Variants in TOX observed in about 807,000 individuals in gnomAD.
The protein encoded by TOX is thymocyte selection associated high mobility group box.
Under a neutral mutation model 53.7 loss-of-function variants are expected in TOX, and 11 were observed. The observed-to-expected ratio is 0.20, with a 90% confidence interval of 0.13 to 0.34. The LOEUF is 0.34. Ranked by LOEUF, TOX falls within the 10% of genes least tolerant of loss-of-function variation. The pLI, the probability that TOX is intolerant of heterozygous loss-of-function variation, is 1.00. For synonymous variants in TOX, 225 were observed against 245.3 expected (o/e 0.92, Z 0.77); for missense variants, 570 against 664.6 (o/e 0.86, Z 1.56).
chr8:59,056,176 A>T (rs1803885500), intron 1 of TOX, among the ~76,000 whole-genome samples: 1 of 152,098 alleles, frequency 6.6e-6, no homozygotes, highest in Admixed American at 6.5e-5. Flanking sequence ...CTATAATCCC[A>T]GCACTTTGGG....
At chr8:58,982,097 T>G (rs571032688) in intron 1 of TOX, among the ~76,000 whole-genome samples, 1 of 152,182 alleles carries the variant, frequency 6.6e-6, no homozygotes, top group African/African-American at 2.4e-5. Context: ...TGCCTCTGCA[T>G]GCACTTCTAA....
At chr8:58,878,728 A>C (rs1028518610) in intron 3 of TOX, among the ~76,000 whole-genome samples, 1 of 152,112 alleles carries the variant, frequency 6.6e-6, no homozygotes, top group South Asian at 2.1e-4. Flanking sequence ...TTTTTTGAGA[A>C]TATATTATTT....
chr8:58,852,048 C>T (rs774075675), intron 3 of TOX, among the ~76,000 whole-genome samples: 8 of 151,934 alleles, frequency 5.3e-5, no homozygotes, highest in Admixed American at 2.6e-4. Flanking sequence ...TACTTCATTA[C>T]TCAAGATGTG....
intron 3 of TOX, among the ~76,000 whole-genome samples, chr8:58,886,753 TGTAA>T (rs1381998213): frequency 5.3e-5 from 8 of 152,178 alleles, no homozygotes; most frequent in African/African-American, 1.9e-4. Flanking sequence ...TAAAATCATC[TGTAA>T]GTAAGGACAG....
chr8:59,027,702 TCTA>T (rs529508335), intron 1 of TOX, among the ~76,000 whole-genome samples: 214 of 152,250 alleles, frequency 1.4e-3, no homozygotes, highest in African/African-American at 4.7e-3. Flanking sequence ...TCACTCACAA[TCTA>T]CTCATGAGAT....
chr8:58,816,014 G>A (rs946871370), intron 6 of TOX, among the ~76,000 whole-genome samples: 1 of 152,176 alleles, frequency 6.6e-6, no homozygotes, highest in African/African-American at 2.4e-5. Context: ...TGACAAGATG[G>A]GTTTGTGGAG....
intron 1 of TOX, among the ~76,000 whole-genome samples, chr8:58,965,953 T>C (rs1241998836): frequency 8.2e-6 from 1 of 122,376 alleles, no homozygotes; most frequent in Non-Finnish European, 1.6e-5. Context: ...GGTTGGGCAA[T>C]GAAGACTTTG....
chr8:58,859,655 AGT>A (rs1810974529), intron 3 of TOX, among the ~76,000 whole-genome samples: 1 of 152,196 alleles, frequency 6.6e-6, no homozygotes. Context: ...CTCAGAAACC[AGT>A]GCTCACACTG....
intron 3 of TOX, among the ~76,000 whole-genome samples, chr8:58,864,383 T>TTCAG (rs904504594): frequency 1.2e-4 from 18 of 152,160 alleles, no homozygotes; most frequent in African/African-American, 4.3e-4. Context: ...ATAAAGTTGT[T>TTCAG]TTAACTGAAA....
chr8:58,867,832 C>T (rs1272288535), intron 3 of TOX, among the ~76,000 whole-genome samples: 2 of 152,174 alleles, frequency 1.3e-5, no homozygotes, highest in African/African-American at 4.8e-5. Flanking sequence ...GTTTACTGCT[C>T]TGTTGTCAGT....
chr8:59,073,688 T>C (rs773896736), intron 1 of TOX, among the ~76,000 whole-genome samples: 6 of 152,182 alleles, frequency 3.9e-5, no homozygotes, highest in Admixed American at 2.0e-4. Context: ...ATGGTCTTCA[T>C]AAATCTATTT....
rs1010491905 is a variant in TOX at position 59,117,720 on chromosome 8, T to G, written c.102+1166A>C. On this transcript the variant is annotated intron_variant, in intron 1 of 8. Coordinates refer to ENST00000361421, the MANE Select transcript of TOX (RefSeq NM_014729.3). This position sits in a 1 kb window ranked among gnomAD's most constrained non-coding sequence, Gnocchi z 4.6. ...AGTCCCAACGATTTTTCCCGTGGAA[T>G]GCACCGAGGGTCGCCATGGATGTGC... Among the ~76,000 whole-genome samples the G allele has an allele frequency of 7.2e-5, 11 of 152,208 alleles. No individual in the cohort carries two copies. The highest frequency in any genetic ancestry group is 3.9e-4 in the Admixed American group (6 of 15,286).
At chr8:58,860,412 A>T (rs1200728278) in intron 3 of TOX, among the ~76,000 whole-genome samples, 1 of 152,232 alleles carries the variant, frequency 6.6e-6, no homozygotes, top group Non-Finnish European at 1.5e-5. Context: ...ATTTTAGGAC[A>T]GTGAGATGTT....
intron 1 of TOX, among the ~76,000 whole-genome samples, chr8:59,097,397 A>G (rs1007330652): frequency 6.6e-6 from 1 of 152,178 alleles, no homozygotes; most frequent in African/African-American, 2.4e-5. Flanking sequence ...GTTTCTGAAC[A>G]CTTCTCATCC....
At chr8:58,921,980 G>T (rs1205880841) in intron 3 of TOX, among the ~76,000 whole-genome samples, 1 of 152,136 alleles carries the variant, frequency 6.6e-6, no homozygotes. Context: ...GGTACCCAGG[G>T]GTGGGAAGAA....
At chr8:59,027,965 C>T (rs1814276591) in intron 1 of TOX, among the ~76,000 whole-genome samples, 1 of 152,040 alleles carries the variant, frequency 6.6e-6, no homozygotes, top group African/African-American at 2.4e-5. Flanking sequence ...GAATCAACTC[C>T]CTAACATCAA....
intron 3 of TOX, among the ~76,000 whole-genome samples, chr8:58,893,736 G>T (rs1440735507): frequency 6.6e-6 from 1 of 152,168 alleles, no homozygotes; most frequent in Non-Finnish European, 1.5e-5. Flanking sequence ...TTACATAGAA[G>T]AAAGTTACAA....
At chr8:58,915,256 G>T (rs1188303852) in intron 3 of TOX, among the ~76,000 whole-genome samples, 1 of 144,320 alleles carries the variant, frequency 6.9e-6, no homozygotes, top group Non-Finnish European at 1.5e-5. Flanking sequence ...GCAGGGCACA[G>T]ACAAACAAAA....
chr8:58,934,052 A>G (rs1812304388), intron 3 of TOX, among the ~76,000 whole-genome samples: 1 of 152,196 alleles, frequency 6.6e-6, no homozygotes. Flanking sequence ...AATAACTCAG[A>G]GGAATGTTGA....
Sources: allele counts gnomAD v4.1 joint callset (sites outside exome capture counted in the v4.1 genomes callset), GRCh38; gene constraint gnomAD v4.1.1; non-coding constraint Gnocchi (gnomAD v3.1); transcripts MANE v1.5; gene names NCBI Gene and HGNC (gene_info 2026-07-23, HGNC 2026-07-21).